TTC8: variants seen among roughly 807,000 people sequenced by gnomAD.
TTC8 encodes tetratricopeptide repeat protein 8.
In TTC8, 47 loss-of-function variants were observed where a neutral mutation model predicts 72.5. The observed-to-expected ratio is 0.65, with a 90% confidence interval of 0.51 to 0.83. The LOEUF is 0.83. Ranked by LOEUF, TTC8 falls within the 40% of genes least tolerant of loss-of-function variation. The pLI is 0.00. For synonymous variants in TTC8, 199 were observed against 221.4 expected (o/e 0.90, Z 0.90); for missense variants, 611 against 623.2 (o/e 0.98, Z 0.21).
chr14:88,833,610 A>T (rs2094736417), intron 1 of TTC8, 83 bp from the exon 2 acceptor site: 14 of 1,246,454 alleles, frequency 1.1e-5, no homozygotes, highest in Admixed American at 1.7e-5. Context: ...GTTCACCTAC[A>T]AATACTTGGT....
At chr14:88,855,631 T>G (rs1284791043) in intron 8 of TTC8, among the ~76,000 whole-genome samples, 2 of 152,238 alleles carry the variant, frequency 1.3e-5, no homozygotes, top group Non-Finnish European at 2.9e-5. Flanking sequence ...AAATAATCTA[T>G]TTCTGTTTTC....
intron 7 of TTC8, chr14:88,846,617 T>A: frequency 2.7e-6 from 4 of 1,456,406 alleles, no homozygotes; most frequent in Non-Finnish European, 3.7e-6. Flanking sequence ...GAAGATGTAG[T>A]TCTACATCTT....
chr14:88,865,883 G>A (rs1348749330), intron 10 of TTC8, among the ~76,000 whole-genome samples: 2 of 151,846 alleles, frequency 1.3e-5, no homozygotes, highest in African/African-American at 4.8e-5. Flanking sequence ...CTCTGATAAA[G>A]GAATAAAGAA....
At chr14:88,841,264 G>A (rs1038671524) in intron 5 of TTC8, 68 bp downstream of exon 5, 32 of 1,602,860 alleles carry the variant, frequency 2.0e-5, no homozygotes, top group Non-Finnish European at 2.5e-5. Context: ...TTATATTATG[G>A]TATATCATTT....
intron 10 of TTC8, among the ~76,000 whole-genome samples, chr14:88,862,636 G>A (rs78585859): frequency 2.5e-5 from 3 of 117,984 alleles, no homozygotes; most frequent in Non-Finnish European, 5.0e-5. Context: ...AGGCTGGATC[G>A]CAGTGACGTA....
At chr14:88,851,892 G>GA (rs2094835559) in intron 7 of TTC8, among the ~76,000 whole-genome samples, 1 of 152,032 alleles carries the variant, frequency 6.6e-6, no homozygotes, top group Non-Finnish European at 1.5e-5. Context: ...GGAACACAAG[G>GA]AAAAATAATT....
At chr14:88,833,909 T>G (rs1468686249) in intron 2 of TTC8, 187 bp downstream of exon 2, 2 of 624,656 alleles carry the variant, frequency 3.2e-6, no homozygotes. Flanking sequence ...TTTGTGTATA[T>G]TGATAGCCTT....
chr14:88,847,056 G>A (rs1349490307), intron 7 of TTC8: 1 of 155,328 alleles, frequency 6.4e-6, no homozygotes, highest in Non-Finnish European at 1.4e-5. Context: ...AAATTACCTG[G>A]GGAATTATTA....
Position 88,877,539 on chromosome 14 carries a change from GGT to G in TTC8, c.*131_*132del. ...CAAACCTGTCCTTGATATTAGTTAA[GGT>G]GACACATAAGGGTGACACAGAATGT... On this transcript the variant is annotated 3_prime_UTR_variant, in exon 15 of 15. Coordinates refer to ENST00000380656, the MANE Select transcript of TTC8 (RefSeq NM_144596.4). 1.3e-6 allele frequency: 1 copy of G among 768,880 alleles called. No individual in the cohort carries two copies. 47.6% of individuals were successfully genotyped at this position (768,880 alleles called of 1,614,324 possible).
At chr14:88,851,205 C>T (rs914891111) in intron 7 of TTC8, among the ~76,000 whole-genome samples, 2 of 152,046 alleles carry the variant, frequency 1.3e-5, no homozygotes, top group African/African-American at 2.4e-5. Context: ...GTGGGGTCTG[C>T]TTAGAAAGGA....
intron 10 of TTC8, among the ~76,000 whole-genome samples, chr14:88,866,407 ACACACACG>A (rs939107055): frequency 4.0e-5 from 6 of 151,550 alleles, no homozygotes; most frequent in African/African-American, 1.5e-4. Context: ...ACACACACAC[ACACACACG>A]CACACACAAA....
downstream of TTC8, chr14:88,880,760 A>G (rs1423211019): frequency 6.6e-6 from 1 of 152,030 alleles, no homozygotes; most frequent in Non-Finnish European, 1.5e-5. Context: ...TAAAAATCAC[A>G]TTTCCTTTAA....
chr14:88,830,282 G>C (rs1160422954), intron 1 of TTC8, among the ~76,000 whole-genome samples: 3 of 152,176 alleles, frequency 2.0e-5, no homozygotes, highest in Non-Finnish European at 4.4e-5. Context: ...GATGTGACTT[G>C]AAGTTGATGC....
intron 14 of TTC8, among the ~76,000 whole-genome samples, chr14:88,876,166 G>T (rs1028690718): frequency 1.3e-5 from 2 of 152,184 alleles, no homozygotes; most frequent in South Asian, 4.1e-4. Flanking sequence ...CTGTGCTACT[G>T]CTTAGTTAGT....
Position 88,871,476 on chromosome 14 carries a change from AATATAT to A in TTC8, c.1050-64_1050-59del, listed in dbSNP as rs10659725. 3.9e-6 allele frequency: 5 copies of A among 1,276,126 alleles called. No homozygotes were observed. In the South Asian group the frequency reaches 6.6e-5, roughly 17 times the overall value. The allele number at this position is 1,276,126 out of a possible 1,614,324, so 79.1% of individuals were successfully genotyped here. A position where few individuals can be genotyped will look rare whatever the true frequency, so the allele number is the denominator to read the frequency against. On this transcript the variant is annotated intron_variant, in intron 11 of 14. Coordinates refer to ENST00000380656, the MANE Select transcript of TTC8 (RefSeq NM_144596.4). This position sits in a 1 kb window ranked among gnomAD's most constrained non-coding sequence, Gnocchi z 4.1. ...GATGAATTCATTTTTAACTGTGTAA[AATATAT>A]ATATATATGTCTTAAAACTTACAAA...
chr14:88,857,199 G>A lies in TTC8; in HGVS notation c.720G>A (p.Met240Ile), dbSNP rs1051402043. ...QIGKCYYRLG[M>I]YREAEKQFKS... ...AAATTGCTATTTGTAGGTTGGGAATGTATCGTGAAGCAGAAAAACAGTTTA... is the reference window on the plus strand; with the variant it reads ...AAATTGCTATTTGTAGGTTGGGAATATATCGTGAAGCAGAAAAACAGTTTA... Residue 240 changes from methionine (M) to isoleucine (I), a missense_variant, in exon 9 of 15, where the codon ATG (methionine) becomes ATA (isoleucine). Met to Ile is a conservative substitution (Grantham distance 10, BLOSUM62 1). Coordinates refer to ENST00000380656, the MANE Select transcript of TTC8 (RefSeq NM_144596.4). 1.9e-6 allele frequency: 3 copies of A among 1,613,850 alleles called. No individual in the cohort carries two copies. Among genetic ancestry groups the A allele is most frequent in the Admixed American group, 1.7e-5 (1 of 59,994 alleles).
rs1207107223 is a variant in TTC8 at position 88,877,381 on chromosome 14, C to T, written c.1519C>T (p.Gln507Ter). The change falls in exon 15 of 15, where the codon CAA becomes TAA. Residue 507 changes from glutamine to a stop codon, truncating the protein, a stop_gained. Transcript: ENST00000380656. LOFTEE classifies it high-confidence loss of function. ...TGTGGACACACAACATTTAATTAAA[C>T]AATTAAGGCAGCATTTTGCTATGCT... ...DHVDTQHLIK[Q>*]LRQHFAML 3 of 1,613,310 alleles carry T rather than the reference C, an allele frequency of 1.9e-6. No homozygotes were observed. The highest frequency in any genetic ancestry group is 2.5e-6 in the Non-Finnish European group (3 of 1,179,542).
At chr14:88,880,628 A>G (rs970314234), downstream of TTC8, 1 of 152,112 alleles carries the variant, frequency 6.6e-6, no homozygotes, top group Non-Finnish European at 1.5e-5. Context: ...ACCCTCTTCC[A>G]ATATTTGAAA....
chr14:88,826,126 TAC>T (rs920221885), intron 1 of TTC8, among the ~76,000 whole-genome samples: 17 of 151,934 alleles, frequency 1.1e-4, no homozygotes, highest in African/African-American at 4.1e-4. Flanking sequence ...TAGCTGGGAC[TAC>T]AGTTACGTGC....
Sources: gnomAD v4.1 joint callset for allele counts (sites outside exome capture counted in the v4.1 genomes callset) on GRCh38, gnomAD v4.1.1 for gene constraint, Gnocchi (gnomAD v3.1) non-coding constraint, MANE v1.5 for transcripts, NCBI Gene and HGNC (gene_info 2026-07-23, HGNC 2026-07-21) for gene names.